TCTN1: variants seen among roughly 807,000 people sequenced by gnomAD.
TCTN1 encodes tectonic family member 1, also known as tectonic-1.
TCTN1 carries 58 observed loss-of-function variants against 65.8 expected under a neutral mutation model. The ratio of observed to expected loss-of-function variants is 0.88; its 90% CI spans 0.71 to 1.10. TCTN1 has a LOEUF of 1.10. Ranked by LOEUF, TCTN1 falls within the 50% of genes least tolerant of loss-of-function variation. TCTN1 has a pLI of 0.00. For synonymous variants in TCTN1, 273 were observed against 289.1 expected, an observed-to-expected ratio of 0.94 and a Z score of 0.57; for missense variants, 645 against 719.4, an observed-to-expected ratio of 0.90 and a Z score of 1.18.
chr12:110,649,423 C>T lies in TCTN1; in HGVS notation c.*382C>T, dbSNP rs1259966190. On this transcript the variant is annotated 3_prime_UTR_variant, in exon 15 of 15. Transcript: ENST00000397659. The stretch of plus-strand genomic sequence containing the variant: ...GCTGGTCCGGGTCTAGTTCACTTCA[C>T]CAAGAAGTCCATGCTGTCGCAATAG... The T allele has an allele frequency of 6.2e-7, 1 of 1,608,980 alleles. No homozygotes were observed. Among genetic ancestry groups the T allele is most frequent in the East Asian group, 2.2e-5 (1 of 44,870 alleles).
intron 10 of TCTN1, 78 bp downstream of exon 10, chr12:110,641,705 G>A (rs1355205926): frequency 1.4e-6 from 2 of 1,400,408 alleles, no homozygotes; most frequent in African/African-American, 1.4e-5. Context: ...TTATCGCTGA[G>A]GCTCCCCTGG....
Position 110,644,697 on chromosome 12 carries a change from A to G in TCTN1, c.1332-270A>G, listed in dbSNP as rs2067184092. The G allele has an allele frequency of 8.5e-6, 4 of 467,992 alleles. No homozygotes were observed. Among genetic ancestry groups the G allele is most frequent in the Admixed American group, 6.9e-5 (2 of 29,118 alleles). 29.0% of individuals were successfully genotyped at this position (467,992 alleles called of 1,614,324 possible). ...ATCTCAAAACAAAACAAAAAAACCA[A>G]AAATCAAAACTTAAAAAACAAAAAA... On this transcript the variant is annotated intron_variant, in intron 11 of 14. Transcript: ENST00000397659. This position sits in a 1 kb window ranked among gnomAD's most constrained non-coding sequence, Gnocchi z 4.6.
chr12:110,628,146 G>A, intron 3 of TCTN1: 1 of 1,536,042 alleles, frequency 6.5e-7, no homozygotes, highest in Non-Finnish European at 8.7e-7. Flanking sequence ...TCTCCTTACA[G>A]GTTGATACAG....
intron 1 of TCTN1, chr12:110,616,279 TCTCA>T: frequency 2.2e-6 from 1 of 445,992 alleles, no homozygotes. Flanking sequence ...GGTCACAGGG[TCTCA>T]CTCTGTCACT....
At chr12:110,619,062 C>T (rs1484089172) in intron 1 of TCTN1, among the ~76,000 whole-genome samples, 1 of 151,762 alleles carries the variant, frequency 6.6e-6, no homozygotes, top group East Asian at 1.9e-4. Flanking sequence ...CCTTTAATCC[C>T]AGCTACTCAG....
chr12:110,629,048 G>A (rs2066047018), intron 4 of TCTN1, 130 bp downstream of exon 4: 1 of 968,492 alleles, frequency 1.0e-6, no homozygotes, highest in South Asian at 1.4e-5. Context: ...AAAACTTAAT[G>A]TTCATGCCTA....
chr12:110,614,397 C>A lies in TCTN1; in HGVS notation c.215C>A (p.Thr72Lys). 1 of 1,595,838 alleles carries A rather than the reference C, an allele frequency of 6.3e-7. No individual in the cohort carries two copies. Among genetic ancestry groups the A allele is most frequent in the Non-Finnish European group, 8.5e-7 (1 of 1,171,474 alleles). The change falls in exon 1 of 15, where the codon ACG becomes AAG. Residue 72 changes from threonine (T) to lysine (K), a missense_variant. By Grantham distance (78) the Thr-to-Lys change is moderately conservative. Transcript: ENST00000397659. ...TCCGGCCCCAGGCCTACCCCAGTCA[C>A]GGACGGTGGGTACCATGTGCCAGCT... Reference protein sequence around the residue: ...PSSGPRPTPVTDVAVLCVCDL... With the variant: ...PSSGPRPTPVKDVAVLCVCDL...
chr12:110,637,956 T>C (rs955687002), intron 7 of TCTN1, among the ~76,000 whole-genome samples: 3 of 152,170 alleles, frequency 2.0e-5, no homozygotes, highest in Admixed American at 6.5e-5. Flanking sequence ...AGGAATGTGA[T>C]GGATGTTACT....
intron 11 of TCTN1, chr12:110,643,950 G>A (rs1392779239): frequency 6.6e-6 from 1 of 152,210 alleles, no homozygotes; most frequent in Admixed American, 6.5e-5. Flanking sequence ...GGGATTACAG[G>A]TGTGAGCCAG....
intron 7 of TCTN1, among the ~76,000 whole-genome samples, chr12:110,638,552 G>GTGTGGTTTGGGAATGGTA (rs1317979875): frequency 6.6e-6 from 1 of 152,168 alleles, no homozygotes; most frequent in Non-Finnish European, 1.5e-5. Context: ...ACCAGTGTGT[G>GTGTGGTTTGGGAATGGTA]TGTGGTTTGG....
chr12:110,628,801 A>G lies in TCTN1; in HGVS notation c.507A>G (p.Val169=). 1 of 1,610,144 alleles carries G rather than the reference A, an allele frequency of 6.2e-7. No homozygotes were observed. Among genetic ancestry groups the G allele is most frequent in the Non-Finnish European group, 8.5e-7 (1 of 1,176,890 alleles). Residue 169 remains valine, a synonymous_variant, in exon 4 of 15, where the codon GTA becomes GTG. Transcript: ENST00000397659. ...CATTATCCTTTATTAATCCAGAAGT[A>G]CCTGATGAAAACAATTTTGATACAT... ...KPALSFINPE[V]PDENNFDTLM...
At chr12:110,636,329 G>A (rs541555591) in intron 6 of TCTN1, 152 bp from the exon 7 acceptor site, 182 of 593,052 alleles carry the variant, frequency 3.1e-4, no homozygotes, top group South Asian at 8.5e-4. Flanking sequence ...AACACATGCA[G>A]ATGGGGAGTC....
intron 7 of TCTN1, among the ~76,000 whole-genome samples, chr12:110,638,998 G>C (rs2066772818): frequency 6.6e-6 from 1 of 152,204 alleles, no homozygotes; most frequent in Non-Finnish European, 1.5e-5. Flanking sequence ...CTTTGTTACT[G>C]AGTCATGTCA....
At chr12:110,645,585 G>T in intron 12 of TCTN1, 1 of 221,574 alleles carries the variant, frequency 4.5e-6, no homozygotes, top group African/African-American at 2.3e-5. Context: ...TTCCGTGCAT[G>T]TGGCTCTCCC....
intron 1 of TCTN1, among the ~76,000 whole-genome samples, chr12:110,619,384 C>G (rs2065264771): frequency 6.6e-6 from 1 of 152,086 alleles, no homozygotes; most frequent in African/African-American, 2.4e-5. Flanking sequence ...AGTCTCTTTC[C>G]TGAAGGTTTA....
intron 2 of TCTN1, chr12:110,625,882 T>G (rs1208557147): frequency 6.5e-6 from 1 of 154,244 alleles, no homozygotes. Flanking sequence ...GCCTCCCTAG[T>G]AGCTGGGATT....
rs730882221 is a variant in TCTN1, at chr12:110,626,360, A to C, written c.342-2A>C. 2.5e-6 allele frequency: 4 copies of C among 1,571,734 alleles called. No homozygotes were observed. Among genetic ancestry groups the C allele is most frequent in the Non-Finnish European group, 3.5e-6 (4 of 1,156,344 alleles). ...TTGTATTATTATTTTTTTAATTTTC[A>C]GGGGCGACAGCCAGTTTTGTAGTCA... is the stretch of plus-strand genomic sequence containing the variant. On this transcript the variant is annotated splice_acceptor_variant, in intron 2 of 14. Coordinates refer to ENST00000397659, the MANE Select transcript of TCTN1 (RefSeq NM_001082538.3). LOFTEE classifies it high-confidence loss of function.
Position 110,649,258 on chromosome 12 carries a change from G to C in TCTN1, c.*217G>C. The C allele has an allele frequency of 1.5e-6, 1 of 687,906 alleles. No homozygotes were observed. The highest frequency in any genetic ancestry group is 2.6e-6 in the Non-Finnish European group (1 of 377,382). The allele number at this position is 687,906 out of a possible 1,614,324, so 42.6% of individuals were successfully genotyped here. ...TTGGTGGTACTGGACCTTCCACAAG[G>C]CTGTGTCCACCCAGAATCCATGCTG... On this transcript the variant is annotated 3_prime_UTR_variant, in exon 15 of 15. Transcript: ENST00000397659.
At chr12:110,630,224 T>G (rs1358025561) in intron 4 of TCTN1, 1 of 152,202 alleles carries the variant, frequency 6.6e-6, no homozygotes, top group African/African-American at 2.4e-5. Context: ...TAAAATATAA[T>G]AATAAAAATA....
Sources: allele counts gnomAD v4.1 joint callset (sites outside exome capture counted in the v4.1 genomes callset), GRCh38; gene constraint gnomAD v4.1.1; non-coding constraint Gnocchi (gnomAD v3.1); transcripts MANE v1.5; gene names NCBI Gene and HGNC (gene_info 2026-07-23, HGNC 2026-07-21).